The following ARHGAP10 variants were observed in gnomAD, a reference collection of about 807,000 sequenced individuals.
ARHGAP10 encodes rho GTPase-activating protein 10.
ARHGAP10 carries 87 observed loss-of-function variants against 108.6 expected under a neutral mutation model. That is an observed-to-expected ratio of 0.80 (90% CI 0.67 to 0.96). The LOEUF (loss-of-function observed/expected upper bound fraction) is 0.96. Among genes scored for constraint, ARHGAP10 ranks in the 40% least tolerant of loss-of-function variants. The probability of loss-of-function intolerance (pLI) is 0.00; values close to 1 mark genes in which losing one functional copy is unlikely to be tolerated. For synonymous variants in ARHGAP10, 347 were observed against 341.1 expected, an observed-to-expected ratio of 1.02 and a Z score of -0.19; for missense variants, 939 against 954.5, an observed-to-expected ratio of 0.98 and a Z score of 0.21.
chr4:148,008,219 G>A (rs1198717775), intron 18 of ARHGAP10, among the ~76,000 whole-genome samples: 2 of 152,002 alleles, frequency 1.3e-5, no homozygotes, highest in African/African-American at 4.8e-5. Context: ...AGTATTACTG[G>A]TCTCTTTGTT....
chr4:147,966,552 G>A, intron 17 of ARHGAP10, 128 bp from the exon 18 acceptor site: 1 of 778,078 alleles, frequency 1.3e-6, no homozygotes, highest in Non-Finnish European at 1.9e-6. Flanking sequence ...TATTTCAGAG[G>A]TAGATGTTGA....
intron 1 of ARHGAP10, among the ~76,000 whole-genome samples, chr4:147,804,131 G>A (rs1731687929): frequency 6.6e-6 from 1 of 151,876 alleles, no homozygotes; most frequent in East Asian, 1.9e-4. Context: ...TAGGTAGTTT[G>A]TTTTTGATCC....
At chr4:147,797,743 A>G (rs1731376779) in intron 1 of ARHGAP10, among the ~76,000 whole-genome samples, 1 of 151,644 alleles carries the variant, frequency 6.6e-6, no homozygotes, top group Non-Finnish European at 1.5e-5. Flanking sequence ...CCCATTTTTT[A>G]TTTGTCACTT....
intron 3 of ARHGAP10, among the ~76,000 whole-genome samples, chr4:147,829,101 G>C (rs1732843138): frequency 6.6e-6 from 1 of 151,048 alleles, no homozygotes; most frequent in Admixed American, 6.6e-5. Context: ...GCCCAGGCTG[G>C]AGTGCAGTGG....
intron 17 of ARHGAP10, among the ~76,000 whole-genome samples, chr4:147,966,390 G>A (rs374756695): frequency 1.9e-4 from 29 of 152,262 alleles, no homozygotes; most frequent in African/African-American, 5.5e-4. Context: ...TTTGGTGTCT[G>A]TAGGGATTCT....
intron 13 of ARHGAP10, among the ~76,000 whole-genome samples, chr4:147,938,174 A>G (rs1252187875): frequency 6.6e-6 from 1 of 152,090 alleles, no homozygotes; most frequent in Non-Finnish European, 1.5e-5. Flanking sequence ...GAACTCGTGG[A>G]CACATAGAGG....
At chr4:147,783,199 T>G (rs1375529240) in intron 1 of ARHGAP10, among the ~76,000 whole-genome samples, 1 of 144,104 alleles carries the variant, frequency 6.9e-6, no homozygotes, top group Non-Finnish European at 1.5e-5. Context: ...ATTGTATAAT[T>G]TATATAACAC....
intron 13 of ARHGAP10, among the ~76,000 whole-genome samples, chr4:147,938,888 T>G (rs1263392968): frequency 6.6e-6 from 1 of 152,236 alleles, no homozygotes; most frequent in African/African-American, 2.4e-5. Context: ...GTCATTATTA[T>G]GAAAATTTTC....
At chr4:147,746,759 A>G (rs114432467) in intron 1 of ARHGAP10, among the ~76,000 whole-genome samples, 1 of 152,152 alleles carries the variant, frequency 6.6e-6, no homozygotes, top group African/African-American at 2.4e-5. Flanking sequence ...TGTACCTTTC[A>G]CCTGTTTCAT....
At chr4:148,022,761 T>G (rs988441531) in intron 18 of ARHGAP10, among the ~76,000 whole-genome samples, 1 of 152,230 alleles carries the variant, frequency 6.6e-6, no homozygotes, top group Non-Finnish European at 1.5e-5. Flanking sequence ...ATGAAAAATG[T>G]AAATGGGAAG....
intron 1 of ARHGAP10, among the ~76,000 whole-genome samples, chr4:147,766,840 T>TA (rs1560747076): frequency 9.3e-5 from 10 of 107,138 alleles, no homozygotes; most frequent in African/African-American, 3.7e-4. Context: ...ATATATATAT[T>TA]TATTTATTTA....
intron 13 of ARHGAP10, among the ~76,000 whole-genome samples, chr4:147,919,975 A>G (rs1403526974): frequency 6.6e-6 from 1 of 152,164 alleles, no homozygotes; most frequent in African/African-American, 2.4e-5. Context: ...ATTTCCGCAG[A>G]TGATTCTAAT....
At chr4:148,017,690 G>A (rs563082696) in intron 18 of ARHGAP10, among the ~76,000 whole-genome samples, 58 of 133,434 alleles carry the variant, frequency 4.3e-4, no homozygotes, top group African/African-American at 9.3e-4. Context: ...ATATGTGTGT[G>A]TATGTAAAGG....
At chr4:147,939,748 A>AT in intron 13 of ARHGAP10, 77 bp from the exon 14 acceptor site, 1 of 1,297,386 alleles carries the variant, frequency 7.7e-7, no homozygotes. Flanking sequence ...GTTAGCAAAG[A>AT]TTTTGAATGC....
intron 15 of ARHGAP10, among the ~76,000 whole-genome samples, chr4:147,951,658 G>C (rs2575584): frequency 0.56 from 83,824 of 150,970 alleles, 24,266 homozygotes; most frequent in East Asian, 0.76. Context: ...TCACTTTGTT[G>C]CCTAGGCTGG....
At chr4:147,895,588 G>A (rs113989301) in intron 10 of ARHGAP10, among the ~76,000 whole-genome samples, 338 of 151,608 alleles carry the variant, frequency 2.2e-3, no homozygotes, top group African/African-American at 7.7e-3. Flanking sequence ...AGGAGGCTGA[G>A]GTGGGAAGAC....
intron 15 of ARHGAP10, among the ~76,000 whole-genome samples, chr4:147,951,551 C>T (rs1235062745): frequency 2.6e-5 from 4 of 151,544 alleles, no homozygotes; most frequent in Admixed American, 6.6e-5. Flanking sequence ...ACTATAGCAT[C>T]GTAAATTGTA....
At chr4:148,071,482 G>A (rs1331082801) in intron 22 of ARHGAP10, among the ~76,000 whole-genome samples, 2 of 152,226 alleles carry the variant, frequency 1.3e-5, no homozygotes, top group East Asian at 3.8e-4. Context: ...CAGGCATGGT[G>A]GTGCGTGCCT....
intron 1 of ARHGAP10, among the ~76,000 whole-genome samples, chr4:147,784,113 A>G (rs1730698049): frequency 7.3e-6 from 1 of 136,252 alleles, no homozygotes; most frequent in African/African-American, 2.6e-5. Flanking sequence ...TGTATTATAT[A>G]ATTTACATAA....
Sources: allele counts gnomAD v4.1 joint callset (sites outside exome capture counted in the v4.1 genomes callset), GRCh38; gene constraint gnomAD v4.1.1; transcripts MANE v1.5; gene names NCBI Gene and HGNC (gene_info 2026-07-23, HGNC 2026-07-21).